The following HORMAD2 variants were observed in gnomAD, a reference collection of about 807,000 sequenced individuals.
The protein encoded by HORMAD2 is HORMA domain containing 2.
HORMAD2 carries 45 observed loss-of-function variants against 38.8 expected under a neutral mutation model. The ratio of observed to expected loss-of-function variants is 1.16; its 90% confidence interval spans 0.91 to 1.49. HORMAD2 has a LOEUF of 1.49. Among genes scored for constraint, HORMAD2 ranks in the 40% most tolerant of loss-of-function variants. The pLI is 0.00. For missense variants in HORMAD2, 338 were observed against 367.0 expected (o/e 0.92, Z 0.65); for synonymous variants, 126 against 122.8 (o/e 1.03, Z -0.17).
At chr22:30,197,870 T>A in the HORMAD2 span, among the ~76,000 whole-genome samples, 48 of 152,246 alleles carry the variant, frequency 3.2e-4, no homozygotes, top group Non-Finnish European at 6.0e-4. Context: ...CACAGCTTCA[T>A]CAACAATGAT....
At chr22:30,194,509 A>G in the HORMAD2 span, among the ~76,000 whole-genome samples, 1 of 152,192 alleles carries the variant, frequency 6.6e-6, no homozygotes, top group East Asian at 1.9e-4. Context: ...GTATCTAACA[A>G]TGAGGGGTGA....
the HORMAD2 span, among the ~76,000 whole-genome samples, chr22:30,205,487 G>A: frequency 3.3e-5 from 5 of 152,240 alleles, no homozygotes; most frequent in African/African-American, 4.8e-5. Context: ...CCAAGGTCAC[G>A]TTGTGTCCCA....
chr22:30,113,862 G>A (rs946307736), intron 7 of HORMAD2, among the ~76,000 whole-genome samples: 2 of 152,128 alleles, frequency 1.3e-5, no homozygotes, highest in African/African-American at 4.8e-5. Flanking sequence ...ACGGTAGGTA[G>A]CAATTCCTCA....
At chr22:30,180,960 TCCTCTCCTC>T (rs2123759415), downstream of HORMAD2, among the ~76,000 whole-genome samples, 1 of 94,378 alleles carries the variant, frequency 1.1e-5, no homozygotes, top group South Asian at 4.7e-4. Context: ...TCCTCTCCTC[TCCTCTCCTC>T]TCCTCTCCTC....
At chr22:30,095,099 C>T (rs1856560921) in intron 2 of HORMAD2, among the ~76,000 whole-genome samples, 1 of 152,110 alleles carries the variant, frequency 6.6e-6, no homozygotes, top group African/African-American at 2.4e-5. Context: ...AACTTAAAAA[C>T]TGGCAATCGA....
chr22:30,078,301 G>T (rs1320326522), upstream of HORMAD2, among the ~76,000 whole-genome samples: 3 of 151,990 alleles, frequency 2.0e-5, no homozygotes, highest in Admixed American at 6.6e-5. Flanking sequence ...AACAAAACAG[G>T]TTATCAAAGA....
At chr22:30,138,972 A>G (rs1190603130) in intron 10 of HORMAD2, among the ~76,000 whole-genome samples, 1 of 151,950 alleles carries the variant, frequency 6.6e-6, no homozygotes, top group Non-Finnish European at 1.5e-5. Context: ...ACACTCCATG[A>G]TGTGTGTGGA....
At chr22:30,207,301 C>A in the HORMAD2 span, 1 of 297,518 alleles carries the variant, frequency 3.4e-6, no homozygotes. Flanking sequence ...CCCTCCCACA[C>A]ATGTCCGCAT....
intron 10 of HORMAD2, among the ~76,000 whole-genome samples, chr22:30,122,789 C>G (rs937915213): frequency 2.6e-5 from 4 of 152,140 alleles, no homozygotes; most frequent in Non-Finnish European, 4.4e-5. Flanking sequence ...CCCATTTCCA[C>G]CAATAGAGAC....
chr22:30,126,163 G>T lies in HORMAD2; in HGVS notation c.819+3949G>T, dbSNP rs772820077. 4.0e-4 allele frequency among the ~76,000 whole-genome samples: 61 copies of T among 151,970 alleles called. 1 individual carries two copies. The highest frequency in any genetic ancestry group is 7.6e-4 in the Non-Finnish European group (52 of 67,982). On this transcript the variant is annotated intron_variant, in intron 10 of 10. Transcript: ENST00000336726. ...TATTTTATAGACATGGAATCATAGA[G>T]TATGGACTTTTTTTTTTTGAGACGG...
chr22:30,125,042 A>G (rs1297917129), intron 10 of HORMAD2, among the ~76,000 whole-genome samples: 4 of 151,428 alleles, frequency 2.6e-5, no homozygotes, highest in African/African-American at 9.7e-5. Context: ...TGGCCATCCT[A>G]TTTTGCTCAT....
At chr22:30,170,094 C>T (rs372598348) in intron 10 of HORMAD2, among the ~76,000 whole-genome samples, 1 of 152,148 alleles carries the variant, frequency 6.6e-6, no homozygotes, top group African/African-American at 2.4e-5. Flanking sequence ...CTTTTAGGGA[C>T]ATAGATCCTT....
chr22:30,172,453 T>C (rs1326395689), intron 10 of HORMAD2, among the ~76,000 whole-genome samples: 1 of 152,238 alleles, frequency 6.6e-6, no homozygotes, highest in Non-Finnish European at 1.5e-5. Flanking sequence ...TATGTCTCCT[T>C]GATCTTTGTA....
At chr22:30,142,479 CTAT>C (rs1398005757) in intron 10 of HORMAD2, among the ~76,000 whole-genome samples, 2 of 152,030 alleles carry the variant, frequency 1.3e-5, no homozygotes, top group Non-Finnish European at 2.9e-5. Flanking sequence ...AAGTCTGACG[CTAT>C]TATTGTTGAA....
In HORMAD2 at chr22:30,122,033, A is replaced by C; in HGVS notation, c.638A>C (p.Lys213Thr). The C allele has an allele frequency of 6.2e-7, 1 of 1,613,184 alleles. No individual in the cohort carries two copies. Among genetic ancestry groups the C allele is most frequent in the Admixed American group, 1.7e-5 (1 of 59,872 alleles). ...GVNSHFLLFDKEPINVQVGFV... is the reference protein window; with the variant it reads ...GVNSHFLLFDTEPINVQVGFV... ...AATTCACACTTCCTGCTGTTTGACA[A>C]GGAGCCTATCAACGTGCAAGTGGGA... Residue 213 changes from lysine to threonine, a missense_variant, in exon 10 of 11, where the codon AAG (lysine) becomes ACG (threonine). Coordinates refer to ENST00000336726, the MANE Select transcript of HORMAD2 (RefSeq NM_152510.4).
At chr22:30,166,431 A>G (rs1227398596) in intron 10 of HORMAD2, among the ~76,000 whole-genome samples, 1 of 152,212 alleles carries the variant, frequency 6.6e-6, no homozygotes, top group African/African-American at 2.4e-5. Flanking sequence ...CAACTGAGGA[A>G]GTAAATTTTA....
chr22:30,133,706 C>G (rs965087690), intron 10 of HORMAD2, among the ~76,000 whole-genome samples: 6 of 151,608 alleles, frequency 4.0e-5, no homozygotes, highest in South Asian at 4.2e-4. Flanking sequence ...TTCTTGTCCC[C>G]CATGGTTCCC....
chr22:30,173,021 G>A (rs1325202129), intron 10 of HORMAD2, among the ~76,000 whole-genome samples: 2 of 152,146 alleles, frequency 1.3e-5, no homozygotes, highest in Non-Finnish European at 2.9e-5. Context: ...GGGGTGTCAG[G>A]GAAGCCCAGC....
chr22:30,204,356 A>G, the HORMAD2 span, among the ~76,000 whole-genome samples: 1 of 152,178 alleles, frequency 6.6e-6, no homozygotes, highest in Non-Finnish European at 1.5e-5. Flanking sequence ...CCTGAGTCTT[A>G]GTTTTTCATC....
Sources: allele counts gnomAD v4.1 joint callset (sites outside exome capture counted in the v4.1 genomes callset), GRCh38; gene constraint gnomAD v4.1.1; transcripts MANE v1.5; gene names NCBI Gene and HGNC (gene_info 2026-07-23, HGNC 2026-07-21).